KCNAB1: variants seen among roughly 807,000 people sequenced by gnomAD.
The protein encoded by KCNAB1 is voltage-gated potassium channel subunit beta-1.
A neutral mutation model predicts 64.6 loss-of-function variants in KCNAB1; 35 were observed. The ratio of observed to expected loss-of-function variants is 0.54; its 90% CI spans 0.41 to 0.72. KCNAB1 has a LOEUF of 0.72. Among genes scored for constraint, KCNAB1 ranks in the 30% least tolerant of loss-of-function variants. KCNAB1 has a pLI of 0.00. For synonymous variants in KCNAB1, 177 were observed against 183.8 expected (o/e 0.96, Z 0.30); for missense variants, 401 against 512.9 (o/e 0.78, Z 2.11).
chr3:156,244,856 T>C (rs1717364054), intron 1 of KCNAB1, among the ~76,000 whole-genome samples: 1 of 152,182 alleles, frequency 6.6e-6, no homozygotes, highest in African/African-American at 2.4e-5. Context: ...TGACTTTATT[T>C]TGCTATTTTC....
intron 3 of KCNAB1, among the ~76,000 whole-genome samples, chr3:156,454,769 G>T (rs528260561): frequency 6.6e-6 from 1 of 152,286 alleles, no homozygotes; most frequent in South Asian, 2.1e-4. Flanking sequence ...TACTGATGGT[G>T]CTTGGAAGGG....
At chr3:156,288,365 A>G (rs1481016344) in intron 1 of KCNAB1, among the ~76,000 whole-genome samples, 1 of 152,200 alleles carries the variant, frequency 6.6e-6, no homozygotes, top group Non-Finnish European at 1.5e-5. Flanking sequence ...ATCTATATCT[A>G]TATTTACACC....
chr3:156,312,924 G>A (rs933234403), intron 1 of KCNAB1, among the ~76,000 whole-genome samples: 1 of 152,062 alleles, frequency 6.6e-6, no homozygotes, highest in Non-Finnish European at 1.5e-5. Flanking sequence ...CACTAGCCTG[G>A]CTCCAGCTGG....
At position 156,392,009 on chromosome 3, in the gene KCNAB1, G is replaced by A. The variant is rs117268703; in HGVS notation, c.276-29607G>A. On this transcript the variant is annotated intron_variant, in intron 1 of 13. Coordinates refer to ENST00000490337, the MANE Select transcript of KCNAB1 (RefSeq NM_172160.3). Reference sequence around the variant, plus strand: ...TTAGCTTGGAGAAGAGAACCGAAGTGTTCTTGGTATAAAGCATGATTTCTC... The same window carrying A: ...TTAGCTTGGAGAAGAGAACCGAAGTATTCTTGGTATAAAGCATGATTTCTC... Among the ~76,000 whole-genome samples, 361 of 152,286 alleles carry A rather than the reference G, an allele frequency of 2.4e-3. 6 individuals carry two copies. The East Asian group carries it at 0.024, about 10-fold the overall frequency.
At chr3:156,277,152 G>A (rs1560170313) in intron 1 of KCNAB1, among the ~76,000 whole-genome samples, 1 of 152,164 alleles carries the variant, frequency 6.6e-6, no homozygotes, top group Non-Finnish European at 1.5e-5. Flanking sequence ...AGGGAGATGA[G>A]GGAATAGCTG....
chr3:156,536,597 C>CA (rs1719071778), intron 13 of KCNAB1, 61 bp from the exon 14 acceptor site: 9 of 1,216,966 alleles, frequency 7.4e-6, no homozygotes, highest in South Asian at 4.8e-5. Context: ...ATATAGAGCA[C>CA]AAAAAACCGA....
In KCNAB1 at chr3:156,131,889, T is replaced by A. The variant is rs188014863; in HGVS notation, c.275+11003T>A. ...GGCCATAGCTGAGCATTGACATGGATCAAGAGAGGAGTATGGGAGGAGCAG... is the reference window on the plus strand; with the variant it reads ...GGCCATAGCTGAGCATTGACATGGAACAAGAGAGGAGTATGGGAGGAGCAG... On this transcript the variant is annotated intron_variant, in intron 1 of 13. Coordinates refer to ENST00000490337, the MANE Select transcript of KCNAB1 (RefSeq NM_172160.3). 3.3e-3 allele frequency among the ~76,000 whole-genome samples: 496 copies of A among 152,290 alleles called. 26 individuals are homozygous for A. The South Asian group carries it at 0.088, about 27-fold the overall frequency.
chr3:156,367,663 A>G (rs1726033506), intron 1 of KCNAB1, among the ~76,000 whole-genome samples: 1 of 152,220 alleles, frequency 6.6e-6, no homozygotes, highest in Non-Finnish European at 1.5e-5. Context: ...TGCCAAATGG[A>G]AATGGCTATA....
At chr3:156,292,088 C>T in intron 1 of KCNAB1, 1 of 1,614,096 alleles carries the variant, frequency 6.2e-7, no homozygotes, top group Non-Finnish European at 8.5e-7. Context: ...TCACATTTCT[C>T]TCAAAGAGTC....
rs571196092 is a variant in KCNAB1 at position 156,135,280 on chromosome 3, C to T, written c.275+14394C>T. Among the ~76,000 whole-genome samples, 12 of 152,072 alleles carry T rather than the reference C, an allele frequency of 7.9e-5. No individual in the cohort carries two copies. In the South Asian group the frequency reaches 1.2e-3, roughly 16 times the overall value. ...CCAAAGTGCTGGGTTTACAGGAATGCGCCACTGCACCCAGCCTGGTTTAGC... is the reference window on the plus strand; with the variant it reads ...CCAAAGTGCTGGGTTTACAGGAATGTGCCACTGCACCCAGCCTGGTTTAGC... On this transcript the variant is annotated intron_variant, in intron 1 of 13. Transcript: ENST00000490337.
intron 1 of KCNAB1, among the ~76,000 whole-genome samples, chr3:156,412,063 T>A (rs1050143665): frequency 6.6e-6 from 1 of 152,170 alleles, no homozygotes; most frequent in Non-Finnish European, 1.5e-5. Context: ...TTCTTCAGTG[T>A]TTTTTAGTTT....
chr3:156,310,050 C>T (rs1721786154), intron 1 of KCNAB1, among the ~76,000 whole-genome samples: 1 of 152,164 alleles, frequency 6.6e-6, no homozygotes, highest in Admixed American at 6.5e-5. Flanking sequence ...GGCACCATCT[C>T]CATCTTCTAC....
intron 1 of KCNAB1, among the ~76,000 whole-genome samples, chr3:156,215,268 C>T (rs1053750722): frequency 1.3e-5 from 2 of 152,160 alleles, no homozygotes; most frequent in African/African-American, 4.8e-5. Flanking sequence ...CGCTCTTGAG[C>T]AAGGCATAAG....
chr3:156,408,328 A>G (rs1298692923), intron 1 of KCNAB1, among the ~76,000 whole-genome samples: 1 of 152,062 alleles, frequency 6.6e-6, no homozygotes, highest in Non-Finnish European at 1.5e-5. Flanking sequence ...CTTCAACATC[A>G]CACCATACTC....
At chr3:156,475,909 T>C (rs1714304349) in intron 8 of KCNAB1, among the ~76,000 whole-genome samples, 1 of 152,186 alleles carries the variant, frequency 6.6e-6, no homozygotes, top group African/African-American at 2.4e-5. Flanking sequence ...GTAAAATATA[T>C]ATAGTCTTAT....
chr3:156,281,504 C>G (rs1278045690), intron 1 of KCNAB1, among the ~76,000 whole-genome samples: 1 of 151,964 alleles, frequency 6.6e-6, no homozygotes, highest in Admixed American at 6.6e-5. Context: ...AGGATTCCCT[C>G]TTTTTCTATT....
chr3:156,257,466 G>A (rs979955896), intron 1 of KCNAB1, among the ~76,000 whole-genome samples: 20 of 152,180 alleles, frequency 1.3e-4, no homozygotes, highest in African/African-American at 4.1e-4. Flanking sequence ...CTTGGAAATT[G>A]TCTGGGGAGG....
intron 8 of KCNAB1, among the ~76,000 whole-genome samples, chr3:156,482,549 C>T (rs550694949): frequency 6.6e-6 from 1 of 151,358 alleles, no homozygotes; most frequent in South Asian, 2.1e-4. Context: ...AAATGGTGGG[C>T]AGTGGGGAGG....
intron 1 of KCNAB1, among the ~76,000 whole-genome samples, chr3:156,341,352 A>G (rs1724101911): frequency 6.6e-6 from 1 of 152,218 alleles, no homozygotes. Flanking sequence ...CCATCAGATT[A>G]CCTTCTAAGT....
Sources: gnomAD v4.1 joint callset for allele counts (sites outside exome capture counted in the v4.1 genomes callset) on GRCh38, gnomAD v4.1.1 for gene constraint, MANE v1.5 for transcripts, NCBI Gene and HGNC (gene_info 2026-07-23, HGNC 2026-07-21) for gene names.